FLT3: variants seen among roughly 807,000 people sequenced by gnomAD.
The protein encoded by FLT3 is fms related receptor tyrosine kinase 3, also known as receptor-type tyrosine-protein kinase FLT3.
In FLT3, 46 loss-of-function variants were observed where a neutral mutation model predicts 126.6. The ratio of observed to expected loss-of-function variants is 0.36; its 90% confidence interval spans 0.29 to 0.46. The LOEUF is 0.46. FLT3 is among the 20% of genes least tolerant of loss of function. FLT3 has a pLI of 1.00. For synonymous variants in FLT3, 404 were observed against 434.4 expected (o/e 0.93, Z 0.87); for missense variants, 1,069 against 1,190.3 (o/e 0.90, Z 1.50).
At chr13:28,024,780 C>T (rs1872664160) in intron 18 of FLT3, 81 bp downstream of exon 18, 13 of 993,986 alleles carry the variant, frequency 1.3e-5, no homozygotes, top group Non-Finnish European at 1.8e-5. Context: ...TTTGTGTTTA[C>T]ACACTTTTAA....
chr13:28,004,126 G>T lies in FLT3; in HGVS notation c.2908C>A (p.Gln970Lys), dbSNP rs1431460944. Residue 970 changes from glutamine (Q) to lysine (K), a missense_variant, in exon 24 of 24, where the codon CAA becomes AAA. Physicochemically the swap from Gln to Lys is moderately conservative, Grantham distance 53 (BLOSUM62 1). Transcript: ENST00000241453. ...TCTCTGCTGAAAGGTCGCCTGTTTT[G>T]GTAGGTGTGAGGACATTCCGAAACA... is the stretch of plus-strand genomic sequence containing the variant. The part of the protein sequence containing the change: ...GRVSECPHTY[Q>K]NRRPFSREMD... 6.2e-7 allele frequency: 1 copy of T among 1,614,062 alleles called. No individual in the cohort carries two copies.
At chr13:28,069,692 G>A (rs1877334548) in intron 2 of FLT3, among the ~76,000 whole-genome samples, 1 of 152,128 alleles carries the variant, frequency 6.6e-6, no homozygotes, top group Non-Finnish European at 1.5e-5. Flanking sequence ...AACATGTACC[G>A]ACTTTTTTCC....
In FLT3 at chr13:28,015,672, G is replaced by C. The variant is rs772854825; in HGVS notation, c.2571C>G (p.Pro857=). ...TGTAGATGCCTTCAAACAGGCTTTC[G>C]GGGGCCATCCATTTTACAGGCAGAC... The part of the protein sequence containing the change: ...NARLPVKWMA[P]ESLFEGIYTI... Residue 857 remains proline (P), a synonymous_variant, in exon 21 of 24, where the codon CCC becomes CCG. Coordinates refer to ENST00000241453, the MANE Select transcript of FLT3 (RefSeq NM_004119.3). The C allele has an allele frequency of 6.2e-7, 1 of 1,605,406 alleles. No homozygotes were observed. The highest frequency in any genetic ancestry group is 8.5e-7 in the Non-Finnish European group (1 of 1,175,924).
intron 5 of FLT3, among the ~76,000 whole-genome samples, chr13:28,051,605 C>T (rs1328849372): frequency 2.1e-5 from 3 of 144,552 alleles, no homozygotes; most frequent in Non-Finnish European, 4.5e-5. Context: ...AGTGCAGTGG[C>T]GCGATCTCGG....
At chr13:28,039,405 G>T (rs1874145552) in intron 9 of FLT3, among the ~76,000 whole-genome samples, 1 of 151,882 alleles carries the variant, frequency 6.6e-6, no homozygotes, top group African/African-American at 2.4e-5. Flanking sequence ...GTTTCACCAT[G>T]TTGGCCAGGA....
chr13:28,072,388 G>GCT (rs757347305), intron 1 of FLT3, among the ~76,000 whole-genome samples: 34 of 149,980 alleles, frequency 2.3e-4, no homozygotes, highest in Non-Finnish European at 4.1e-4. Flanking sequence ...ACTCTCTCTC[G>GCT]CTCTCTCTCT....
intron 2 of FLT3, among the ~76,000 whole-genome samples, chr13:28,068,733 T>C (rs1481402243): frequency 1.3e-5 from 2 of 151,960 alleles, no homozygotes; most frequent in African/African-American, 4.8e-5. Context: ...GGCTGGTTAA[T>C]TTTTTTGTTG....
At chr13:28,055,627 T>C (rs968195610) in intron 4 of FLT3, among the ~76,000 whole-genome samples, 2 of 152,332 alleles carry the variant, frequency 1.3e-5, no homozygotes, top group Admixed American at 1.3e-4. Context: ...CCCACCACCT[T>C]GCAGAATGCT....
intron 8 of FLT3, 128 bp downstream of exon 8, chr13:28,049,256 A>T: frequency 1.1e-6 from 1 of 906,166 alleles, no homozygotes; most frequent in Non-Finnish European, 1.7e-6. Context: ...AAGCTATTCT[A>T]ACTCAGTTTC....
At chr13:28,088,339 G>A (rs2137821552) in intron 1 of FLT3, among the ~76,000 whole-genome samples, 1 of 151,858 alleles carries the variant, frequency 6.6e-6, no homozygotes, top group South Asian at 2.1e-4. Flanking sequence ...CCAGGCTGGA[G>A]TGCAGTGGCA....
At chr13:28,071,256 C>T (rs1343881172) in intron 1 of FLT3, among the ~76,000 whole-genome samples, 14 of 151,722 alleles carry the variant, frequency 9.2e-5, no homozygotes, top group East Asian at 1.9e-4. Flanking sequence ...GTGATCCACC[C>T]GCCTCTGCCT....
chr13:28,030,487 A>G (rs1413912701), intron 15 of FLT3, among the ~76,000 whole-genome samples: 1 of 152,192 alleles, frequency 6.6e-6, no homozygotes, highest in Non-Finnish European at 1.5e-5. Context: ...AAAACAAGAC[A>G]CAACCCTTGT....
At chr13:28,073,079 G>A (rs1877667246) in intron 1 of FLT3, among the ~76,000 whole-genome samples, 1 of 151,554 alleles carries the variant, frequency 6.6e-6, no homozygotes, top group South Asian at 2.1e-4. Flanking sequence ...GGTGGCTCAT[G>A]TCTGTAATCC....
chr13:28,035,804 G>A (rs1035240894), intron 11 of FLT3, 131 bp from the exon 12 acceptor site: 1 of 1,213,474 alleles, frequency 8.2e-7, no homozygotes, highest in Non-Finnish European at 1.2e-6. Flanking sequence ...ACTATTGAGA[G>A]TTATGGTTGA....
In FLT3 at chr13:28,095,887, C is replaced by T. The variant is rs1462817643; in HGVS notation, c.43+4581G>A. 2.0e-5 allele frequency among the ~76,000 whole-genome samples: 3 copies of T among 152,242 alleles called. No individual in the cohort carries two copies. The East Asian group carries it at 5.8e-4, about 29-fold the overall frequency. On this transcript the variant is annotated intron_variant, in intron 1 of 23. Transcript: ENST00000241453. ...CTTCTCAAATGAGCAGGAATACCCT[C>T]CCAGAGTAAAATGTGGTCAATACCT... is the stretch of plus-strand genomic sequence containing the variant.
chr13:28,063,217 G>A (rs778270091), intron 2 of FLT3, among the ~76,000 whole-genome samples: 4 of 152,118 alleles, frequency 2.6e-5, no homozygotes, highest in Admixed American at 6.6e-5. Flanking sequence ...TATGGCTCAC[G>A]CCTGTAATTC....
rs371992934 is a variant in FLT3 at position 28,061,950 on chromosome 13, G to A, written c.285C>T (p.Val95=). The A allele has an allele frequency of 6.8e-6, 11 of 1,613,656 alleles. No individual in the cohort carries two copies. The African/African-American group carries it at 8.0e-5, about 12-fold the overall frequency. The change falls in exon 3 of 24, where the codon GTC becomes GTT. Residue 95 remains valine (V), a synonymous_variant. Coordinates refer to ENST00000241453, the MANE Select transcript of FLT3 (RefSeq NM_004119.3). ...GACAGGAAATGTTCCCTGGGGCGTC[G>A]ACCAGCACTTGCAGTGTGATGGAAG... ...VSASITLQVL[V]DAPGNISCLW...
chr13:28,070,555 T>G lies in FLT3; in HGVS notation c.101A>C (p.Lys34Thr). The G allele has an allele frequency of 1.2e-6, 2 of 1,604,614 alleles. No individual in the cohort carries two copies. Among genetic ancestry groups the G allele is most frequent in the Non-Finnish European group, 1.7e-6 (2 of 1,171,878 alleles). The change falls in exon 2 of 24, where the codon AAG becomes ACG. Residue 34 changes from lysine (K) to threonine (T), a missense_variant. By Grantham distance (78) the Lys-to-Thr change is moderately conservative. Transcript: ENST00000241453. ...GTTCTTATGATTGATTAAAACACACTTGATCACAGGCAGATCTTGATTTGT... is the reference window on the plus strand; with the variant it reads ...GTTCTTATGATTGATTAAAACACACGTGATCACAGGCAGATCTTGATTTGT... ...TITNQDLPVI[K>T]CVLINHKNND...
intron 1 of FLT3, among the ~76,000 whole-genome samples, chr13:28,099,017 T>C (rs1004042092): frequency 1.3e-5 from 2 of 152,208 alleles, no homozygotes; most frequent in Admixed American, 6.5e-5. Flanking sequence ...CGTGGTTATT[T>C]GGGCACGTAC....
Sources: gnomAD v4.1 joint callset for allele counts (sites outside exome capture counted in the v4.1 genomes callset) on GRCh38, gnomAD v4.1.1 for gene constraint, MANE v1.5 for transcripts, NCBI Gene and HGNC (gene_info 2026-07-23, HGNC 2026-07-21) for gene names.